The following TP73 variants were observed in gnomAD, a reference collection of about 807,000 sequenced individuals.
TP73 encodes the protein tumor protein p73, also known as p53-like transcription factor.
Under a neutral mutation model 62.5 loss-of-function variants are expected in TP73, and 25 were observed. The observed-to-expected ratio is 0.40, with a 90% confidence interval of 0.29 to 0.56. TP73 has a LOEUF of 0.56. Ranked by LOEUF, TP73 falls within the 20% of genes least tolerant of loss-of-function variation. TP73 has a pLI of 0.46. For synonymous variants in TP73, 423 were observed against 377.5 expected (o/e 1.12, Z -1.40); for missense variants, 754 against 913.3 (o/e 0.83, Z 2.25).
intron 4 of TP73, among the ~76,000 whole-genome samples, chr1:3,710,908 G>T (rs1557551652): frequency 6.6e-6 from 1 of 152,226 alleles, no homozygotes; most frequent in Non-Finnish European, 1.5e-5. Context: ...GGAAACCCAG[G>T]AGGAGGAGGA....
Position 3,682,436 on chromosome 1 carries a change from T to G in TP73, c.65+6T>G. 1 of 1,512,024 alleles carries G rather than the reference T, an allele frequency of 6.6e-7. No individual in the cohort carries two copies. The highest frequency in any genetic ancestry group is 1.4e-5 in the African/African-American group (1 of 72,280). 93.7% of individuals were successfully genotyped at this position (1,512,024 alleles called of 1,614,324 possible). On this transcript the variant is annotated splice_donor_region_variant and intron_variant, in intron 2 of 13. Transcript: ENST00000378295. ...GAGCACCTCTGGAGCTCTCTGTGAG[T>G]GCGCTTGGCTGGCCAGAGCTGGGGG...
intron 3 of TP73, among the ~76,000 whole-genome samples, chr1:3,688,020 C>T (rs576651207): frequency 2.0e-5 from 3 of 152,230 alleles, no homozygotes; most frequent in East Asian, 1.9e-4. Flanking sequence ...GCGCAGGTCC[C>T]GTGCATGTGT....
chr1:3,671,928 C>T (rs554374435), intron 1 of TP73, among the ~76,000 whole-genome samples: 20 of 151,884 alleles, frequency 1.3e-4, no homozygotes, highest in East Asian at 1.2e-3. Flanking sequence ...CAGGGCTGAG[C>T]GGCTGACTCC....
At chr1:3,692,255 G>C (rs1316622701) in intron 3 of TP73, among the ~76,000 whole-genome samples, 1 of 152,172 alleles carries the variant, frequency 6.6e-6, no homozygotes, top group Non-Finnish European at 1.5e-5. Context: ...TCCCAGGCAA[G>C]GCTTTGAGAA....
chr1:3,683,290 G>T, intron 3 of TP73, 110 bp downstream of exon 3: 1 of 1,382,422 alleles, frequency 7.2e-7, no homozygotes, highest in Non-Finnish European at 9.6e-7. Context: ...TGGTTGTACA[G>T]CTTCCCCTGT....
intron 1 of TP73, among the ~76,000 whole-genome samples, chr1:3,679,645 T>A (rs1485085724): frequency 6.6e-6 from 1 of 150,442 alleles, no homozygotes; most frequent in Non-Finnish European, 1.5e-5. Context: ...TCTGTCTCTG[T>A]CTCTCTCTCT....
chr1:3,660,646 C>A (rs1644969083), intron 1 of TP73, among the ~76,000 whole-genome samples: 1 of 152,214 alleles, frequency 6.6e-6, no homozygotes, highest in Non-Finnish European at 1.5e-5. Flanking sequence ...ATAGTTTCTT[C>A]ATTTACATTC....
Position 3,722,805 on chromosome 1 carries a change from CAG to C in TP73, c.617-546_617-545del, listed in dbSNP as rs749945111. On this transcript the variant is annotated intron_variant, in intron 5 of 13. Coordinates refer to ENST00000378295, the MANE Select transcript of TP73 (RefSeq NM_005427.4). ...ACTGGGCACCTCTCTGCATGTGACA[CAG>C]AGGTGGGCACCTGGCATGGGGCCGG... Among the ~76,000 whole-genome samples the C allele has an allele frequency of 3.4e-5, 5 of 147,712 alleles. No homozygotes were observed. In the East Asian group the frequency reaches 8.3e-4, roughly 25 times the overall value.
chr1:3,730,197 C>G (rs12096003), intron 11 of TP73, 49 bp downstream of exon 11: 1 of 1,465,220 alleles, frequency 6.8e-7, no homozygotes, highest in African/African-American at 1.4e-5. Flanking sequence ...GGGAGGCCCA[C>G]TGGGGGCGCC....
At chr1:3,716,994 T>TA (rs542723002) in intron 4 of TP73, among the ~76,000 whole-genome samples, 2 of 151,712 alleles carry the variant, frequency 1.3e-5, no homozygotes, top group Non-Finnish European at 2.9e-5. Flanking sequence ...AAGTGAGCAA[T>TA]AAAAAAAATC....
intron 3 of TP73, among the ~76,000 whole-genome samples, chr1:3,685,558 C>T (rs1645632075): frequency 6.6e-6 from 1 of 152,236 alleles, no homozygotes; most frequent in Non-Finnish European, 1.5e-5. Flanking sequence ...ACAACAGTGG[C>T]TGCTGGGCCA....
rs983374295 is a variant in TP73, at chr1:3,676,861, C to T, written c.-33-5472C>T. ...GCCACGGCCCCGACAGCTGGGCGTG[C>T]GTTCTGCTGTGGGCAGCTGCCCTGA... On this transcript the variant is annotated intron_variant, in intron 1 of 13. Coordinates refer to ENST00000378295, the MANE Select transcript of TP73 (RefSeq NM_005427.4). Among the ~76,000 whole-genome samples the T allele has an allele frequency of 3.9e-5, 6 of 151,954 alleles. No individual in the cohort carries two copies. In the South Asian group the frequency reaches 6.3e-4, roughly 16 times the overall value.
chr1:3,707,363 G>A (rs1303366001), intron 3 of TP73, among the ~76,000 whole-genome samples, 186 bp from the exon 4 acceptor site: 1 of 152,202 alleles, frequency 6.6e-6, no homozygotes, highest in Non-Finnish European at 1.5e-5. Flanking sequence ...GGGAGGGCGA[G>A]GTGAATATGT....
chr1:3,678,538 C>G (rs937990379), intron 1 of TP73, among the ~76,000 whole-genome samples: 3 of 152,252 alleles, frequency 2.0e-5, no homozygotes, highest in African/African-American at 7.2e-5. Flanking sequence ...GGCGTTTTCC[C>G]AGGAAGTTGG....
At position 3,674,062 on chromosome 1, in the gene TP73, C is replaced by T. The variant is rs572982830; in HGVS notation, c.-33-8271C>T. Among the ~76,000 whole-genome samples the T allele has an allele frequency of 1.2e-4, 18 of 152,312 alleles. No individual in the cohort carries two copies. In the South Asian group the frequency reaches 3.5e-3, roughly 30 times the overall value. ...GGTTGGTAACAGGTGTGTGGCCTCA[C>T]TGGGCCGTCGTGGGGTGGCTGGAAT... On this transcript the variant is annotated intron_variant, in intron 1 of 13. Coordinates refer to ENST00000378295, the MANE Select transcript of TP73 (RefSeq NM_005427.4).
intron 1 of TP73, 66 bp from the exon 2 acceptor site, chr1:3,682,267 G>T: frequency 8.1e-7 from 1 of 1,231,736 alleles, no homozygotes; most frequent in Non-Finnish European, 1.1e-6. Context: ...CCCCCACCGA[G>T]GCTGTCACAG....
chr1:3,677,249 G>A (rs1243483404), intron 1 of TP73, among the ~76,000 whole-genome samples: 2 of 152,120 alleles, frequency 1.3e-5, no homozygotes, highest in Admixed American at 6.5e-5. Flanking sequence ...CTGGTACAGC[G>A]GCCCCTGGAG....
intron 6 of TP73, among the ~76,000 whole-genome samples, chr1:3,725,494 T>G (rs1570618488): frequency 1.2e-5 from 1 of 86,208 alleles, no homozygotes; most frequent in African/African-American, 4.5e-5. Flanking sequence ...ATGGATGGAG[T>G]GGTGAATGGG....
intron 1 of TP73, among the ~76,000 whole-genome samples, chr1:3,676,174 G>C (rs1257393791): frequency 6.7e-6 from 1 of 150,024 alleles, no homozygotes; most frequent in Non-Finnish European, 1.5e-5. Context: ...ACAGGGAGGG[G>C]ACACAGAAAC....
Sources: allele counts gnomAD v4.1 joint callset (sites outside exome capture counted in the v4.1 genomes callset), GRCh38; gene constraint gnomAD v4.1.1; transcripts MANE v1.5; gene names NCBI Gene and HGNC (gene_info 2026-07-23, HGNC 2026-07-21).